The following CIZ1 variants were observed in gnomAD, a reference collection of about 807,000 sequenced individuals.
CIZ1 encodes the protein CDKN1A interacting zinc finger protein 1, also known as cip1-interacting zinc finger protein.
In CIZ1, 58 loss-of-function variants were observed where a neutral mutation model predicts 118.6. That is an observed-to-expected ratio of 0.49 (90% CI 0.40 to 0.61). CIZ1 has a LOEUF of 0.61. Ranked by LOEUF, CIZ1 falls within the 20% of genes least tolerant of loss-of-function variation. The pLI, the probability that CIZ1 is intolerant of heterozygous loss-of-function variation, is 0.00. For synonymous variants in CIZ1, 448 were observed against 443.4 expected (o/e 1.01, Z -0.13); for missense variants, 921 against 1,115.9 (o/e 0.83, Z 2.49).
At chr9:128,190,886 G>C (rs944334156) in intron 1 of CIZ1, 24 bp from the exon 2 acceptor site, 3 of 1,520,266 alleles carry the variant, frequency 2.0e-6, no homozygotes, top group Non-Finnish European at 2.6e-6. Flanking sequence ...GCAGAGTGAG[G>C]CAAGGGGTCC....
upstream of CIZ1, among the ~76,000 whole-genome samples, chr9:128,194,169 C>T (rs1318954278): frequency 6.6e-6 from 1 of 151,936 alleles, no homozygotes; most frequent in Admixed American, 6.6e-5. Flanking sequence ...CAAGACCAGC[C>T]TGGCCAACAT....
chr9:128,186,142 C>T (rs1453727298), intron 4 of CIZ1, among the ~76,000 whole-genome samples: 2 of 152,050 alleles, frequency 1.3e-5, no homozygotes, highest in African/African-American at 4.8e-5. Context: ...TAACAAGACA[C>T]CCACCCCCAC....
chr9:128,186,939 C>CTTT (rs549888043), intron 4 of CIZ1, among the ~76,000 whole-genome samples: 2 of 134,470 alleles, frequency 1.5e-5, no homozygotes, highest in Non-Finnish European at 1.6e-5. Flanking sequence ...TCCTTGTCTG[C>CTTT]TTTTTTTTTT....
intron 10 of CIZ1, 24 bp downstream of exon 10, chr9:128,177,542 C>CCCCCAAAA: frequency 7.3e-6 from 9 of 1,229,478 alleles, no homozygotes; most frequent in East Asian, 2.8e-5. Context: ...CACCCCTCCC[C>CCCCCAAAA]ACCCTTATCT....
intron 11 of CIZ1, among the ~76,000 whole-genome samples, chr9:128,173,435 G>A (rs941947738): frequency 2.4e-4 from 37 of 151,532 alleles, no homozygotes; most frequent in Non-Finnish European, 3.7e-4. Flanking sequence ...GTGAGCTACC[G>A]CGCCCGGCCG....
chr9:128,196,499 G>A (rs1053296006), upstream of CIZ1, among the ~76,000 whole-genome samples: 14 of 151,326 alleles, frequency 9.3e-5, no homozygotes, highest in African/African-American at 2.7e-4. Context: ...AGTGAGCCAC[G>A]ATCGTGCCAC....
intron 3 of CIZ1, among the ~76,000 whole-genome samples, chr9:128,188,939 C>T (rs1233105057): frequency 6.6e-6 from 1 of 152,150 alleles, no homozygotes; most frequent in Non-Finnish European, 1.5e-5. Flanking sequence ...GCTGGGACTA[C>T]AGGTGCACAC....
chr9:128,191,160 C>T lies in CIZ1; in HGVS notation c.-6+272G>A, dbSNP rs1833093293. ...CATTTCTGGCGGCTCCATCCTCCCA[C>T]CCTCAGCCTCAGCCTCTCTCTGCGC... On this transcript the variant is annotated intron_variant, in intron 1 of 16. Coordinates refer to ENST00000372938, the MANE Select transcript of CIZ1 (RefSeq NM_001131016.2). This position sits in a 1 kb window ranked among gnomAD's most constrained non-coding sequence, Gnocchi z 5.5. The T allele has an allele frequency of 1.0e-5, 5 of 497,996 alleles. No homozygotes were observed. The Admixed American group carries it at 1.1e-4, about 11-fold the overall frequency. The allele number at this position is 497,996 out of a possible 1,614,324, so 30.8% of individuals were successfully genotyped here.
intron 5 of CIZ1, among the ~76,000 whole-genome samples, chr9:128,181,780 G>A (rs1250947666): frequency 9.2e-6 from 1 of 108,232 alleles, no homozygotes; most frequent in Non-Finnish European, 2.0e-5. Flanking sequence ...GGGGGGGGGG[G>A]TCTCCCTTTC....
At chr9:128,201,337 C>A (rs1833509261) in intron 1 of CIZ1, among the ~76,000 whole-genome samples, 1 of 152,046 alleles carries the variant, frequency 6.6e-6, no homozygotes, top group South Asian at 2.1e-4. Flanking sequence ...GTAGTCCCAG[C>A]TACTCGGGAG....
At chr9:128,172,172 A>T (rs10733690) in intron 11 of CIZ1, among the ~76,000 whole-genome samples, 5 of 121,382 alleles carry the variant, frequency 4.1e-5, no homozygotes, top group East Asian at 2.3e-4. Flanking sequence ...AAAAAAAAAA[A>T]AAAAAGAAAA....
Position 128,180,704 on chromosome 9 carries a change from C to T in CIZ1, c.682+17G>A, listed in dbSNP as rs775755369. 1 of 1,580,806 alleles carries T rather than the reference C, an allele frequency of 6.3e-7. No homozygotes were observed. The highest frequency in any genetic ancestry group is 1.1e-5 in the South Asian group (1 of 89,928). ...CATTCATGTCCCTCTGAAGGGCCAG[C>T]AGCCTCCCTCCCTCACCTTCTGGTG... is the stretch of plus-strand genomic sequence containing the variant. On this transcript the variant is annotated intron_variant, in intron 6 of 16. Transcript: ENST00000372938.
chr9:128,178,567 T>C (rs1198414011), intron 8 of CIZ1, 77 bp from the exon 9 acceptor site: 2 of 1,608,290 alleles, frequency 1.2e-6, no homozygotes, highest in Non-Finnish European at 1.7e-6. Flanking sequence ...GCCAGAACCT[T>C]GAGGCCCCCA....
intron 11 of CIZ1, among the ~76,000 whole-genome samples, chr9:128,170,689 T>C (rs945754693): frequency 5.3e-5 from 8 of 152,146 alleles, no homozygotes; most frequent in African/African-American, 1.9e-4. Flanking sequence ...TAAATTGGTA[T>C]TGAAAAGCAT....
In CIZ1 at chr9:128,178,749, G is replaced by A. The variant is rs201067611; in HGVS notation, c.1458C>T (p.Cys486=). 1.2e-4 allele frequency: 188 copies of A among 1,614,020 alleles called. No homozygotes were observed. Among genetic ancestry groups the A allele is most frequent in the Admixed American group, 2.5e-4 (15 of 60,004 alleles). Reference sequence around the variant, plus strand: ...CTGCATCAGGTGGCATCTCCAGCCCGCAGACATGAACCACAACTGGTGTTT... The same window carrying A: ...CTGCATCAGGTGGCATCTCCAGCCCACAGACATGAACCACAACTGGTGTTT... ...PEQTPVVVHV[C]GLEMPPDAVE... The change falls in exon 8 of 17, where the codon TGC becomes TGT. Residue 486 remains cysteine, a synonymous_variant. Coordinates refer to ENST00000372938, the MANE Select transcript of CIZ1 (RefSeq NM_001131016.2).
At chr9:128,173,781 C>T (rs571410875) in intron 11 of CIZ1, among the ~76,000 whole-genome samples, 3 of 152,000 alleles carry the variant, frequency 2.0e-5, no homozygotes, top group Admixed American at 1.3e-4. Flanking sequence ...CCAAGGCGGG[C>T]AGATCACAAG....
At chr9:128,173,753 T>C (rs1830461783) in intron 11 of CIZ1, among the ~76,000 whole-genome samples, 1 of 150,960 alleles carries the variant, frequency 6.6e-6, no homozygotes, top group South Asian at 2.2e-4. Context: ...GCACCTGTAA[T>C]CCCAGCACTT....
At position 128,203,615 on chromosome 9, in the gene CIZ1, G is replaced by T; in HGVS notation, c.-6+571C>A. On this transcript the variant is annotated intron_variant, in intron 1 of 17. Transcript: ENST00000372948. The surrounding 1 kb of genome is among the most constrained non-coding windows in gnomAD (Gnocchi z 5.3). Reference sequence around the variant, plus strand: ...GAGCGCCGGCAAGAGCTCGGTGCTCGAGAATTTCGTAGGCAGGTAGGCGCG... The same window carrying T: ...GAGCGCCGGCAAGAGCTCGGTGCTCTAGAATTTCGTAGGCAGGTAGGCGCG... 1 of 1,541,060 alleles carries T rather than the reference G, an allele frequency of 6.5e-7. No individual in the cohort carries two copies.
In CIZ1 at chr9:128,185,748, G is replaced by C; in HGVS notation, c.387C>G (p.Ser129=). 6.2e-7 allele frequency: 1 copy of C among 1,613,678 alleles called. No homozygotes were observed. Among genetic ancestry groups the C allele is most frequent in the Non-Finnish European group, 8.5e-7 (1 of 1,179,766 alleles). Residue 129 remains serine, a synonymous_variant, in exon 5 of 17, where the codon TCC becomes TCG. Transcript: ENST00000372938. The part of the protein sequence containing the change: ...LGNLRGYGMA[S]PGLAAPSLTP... ...TGAGGCTGGGGGCTGCGAGGCCTGGGGATGCCATGCCATAGCCTCGGAGGT... is the reference window on the plus strand; with the variant it reads ...TGAGGCTGGGGGCTGCGAGGCCTGGCGATGCCATGCCATAGCCTCGGAGGT...
Sources: allele counts gnomAD v4.1 joint callset (sites outside exome capture counted in the v4.1 genomes callset), GRCh38; gene constraint gnomAD v4.1.1; non-coding constraint Gnocchi (gnomAD v3.1); transcripts MANE v1.5; gene names NCBI Gene and HGNC (gene_info 2026-07-23, HGNC 2026-07-21).